Variants in RANBP9 observed in about 807,000 individuals in gnomAD.
RANBP9 encodes RAN binding protein 9.
In RANBP9, 15 loss-of-function variants were observed where a neutral mutation model predicts 84.3. That is an observed-to-expected ratio of 0.18 (90% confidence interval 0.12 to 0.27). The LOEUF (loss-of-function observed/expected upper bound fraction) is 0.27, where lower values mean the gene tolerates loss of function less well. Ranked by LOEUF, RANBP9 falls within the 10% of genes least tolerant of loss-of-function variation. RANBP9 has a pLI of 1.00. For synonymous variants in RANBP9, 392 were observed against 349.6 expected (o/e 1.12, Z -1.35); for missense variants, 809 against 912.8 (o/e 0.89, Z 1.46).
At chr6:13,656,717 CCTTT>C (rs1204619312) in intron 4 of RANBP9, among the ~76,000 whole-genome samples, 2 of 152,146 alleles carry the variant, frequency 1.3e-5, no homozygotes, top group Non-Finnish European at 2.9e-5. Flanking sequence ...GCTTTCCCTT[CCTTT>C]GTTACTATTC....
At chr6:13,694,222 T>C (rs1313281629) in intron 2 of RANBP9, among the ~76,000 whole-genome samples, 1 of 152,202 alleles carries the variant, frequency 6.6e-6, no homozygotes, top group Non-Finnish European at 1.5e-5. Context: ...AACCTGTATA[T>C]ACATGTTTAC....
intron 2 of RANBP9, among the ~76,000 whole-genome samples, chr6:13,671,116 G>C (rs1026524704): frequency 2.0e-5 from 3 of 152,112 alleles, no homozygotes; most frequent in African/African-American, 7.2e-5. Context: ...AAGACACTAT[G>C]AGCTCTCATT....
rs1362732522 is a variant in RANBP9, at chr6:13,711,393, G to A, written c.113C>T (p.Pro38Leu). 8.5e-7 allele frequency: 1 copy of A among 1,179,788 alleles called. No homozygotes were observed. The highest frequency in any genetic ancestry group is 1.6e-5 in the African/African-American group (1 of 62,230). 73.1% of individuals were successfully genotyped at this position (1,179,788 alleles called of 1,614,324 possible). A position where few individuals can be genotyped will look rare whatever the true frequency, so the allele number is the denominator to read the frequency against. Residue 38 changes from proline to leucine, a missense_variant, in exon 1 of 14, where the codon CCC becomes CTC. Transcript: ENST00000011619. ...AGAAGAGCCGGCGCTGACGGCCGGGGGCGCCGGCAGGACGACTCCGGAGAC... is the reference window on the plus strand; with the variant it reads ...AGAAGAGCCGGCGCTGACGGCCGGGAGCGCCGGCAGGACGACTCCGGAGAC... ...APVSGVVLPA[P>L]PAVSAGSSPA...
chr6:13,671,786 A>G (rs1426471394), intron 2 of RANBP9, among the ~76,000 whole-genome samples: 9 of 152,134 alleles, frequency 5.9e-5, no homozygotes, highest in African/African-American at 2.2e-4. Context: ...ACATCTCAAT[A>G]CAACTCTCAT....
intron 2 of RANBP9, among the ~76,000 whole-genome samples, chr6:13,676,352 C>T (rs1371761227): frequency 6.6e-6 from 1 of 151,938 alleles, no homozygotes; most frequent in Non-Finnish European, 1.5e-5. Context: ...GCCCAGATGG[C>T]TTCAGGGTAA....
intron 11 of RANBP9, among the ~76,000 whole-genome samples, chr6:13,633,862 G>A (rs143673596): frequency 3.4e-4 from 51 of 152,090 alleles, no homozygotes; most frequent in African/African-American, 1.2e-3. Flanking sequence ...GATGGGACAG[G>A]CAATTTACTA....
intron 2 of RANBP9, among the ~76,000 whole-genome samples, chr6:13,688,469 T>C (rs1178314771): frequency 6.6e-6 from 1 of 152,162 alleles, no homozygotes; most frequent in Non-Finnish European, 1.5e-5. Flanking sequence ...TGTTTATATG[T>C]CTACTACTGT....
chr6:13,709,769 A>G (rs1758226810), intron 1 of RANBP9, among the ~76,000 whole-genome samples: 2 of 152,238 alleles, frequency 1.3e-5, no homozygotes, highest in Admixed American at 6.5e-5. Context: ...TTCTGATTAA[A>G]TAGTAACTTA....
At chr6:13,671,489 T>C (rs1765777330) in intron 2 of RANBP9, among the ~76,000 whole-genome samples, 1 of 152,124 alleles carries the variant, frequency 6.6e-6, no homozygotes, top group South Asian at 2.1e-4. Context: ...ACAGCATAAA[T>C]CAACCTTTAA....
chr6:13,686,100 TCCCCCCCCCC>T (rs869051500), intron 2 of RANBP9, among the ~76,000 whole-genome samples: 2 of 7,008 alleles, frequency 2.9e-4, no homozygotes, highest in East Asian at 0.012. Context: ...CAAAATTTCT[TCCCCCCCCCC>T]CCCCCGCCCC....
chr6:13,635,724 C>T (rs779744382), intron 10 of RANBP9, among the ~76,000 whole-genome samples: 7 of 151,410 alleles, frequency 4.6e-5, no homozygotes, highest in Admixed American at 1.3e-4. Context: ...TAACAAACTT[C>T]GAAAATTGGT....
intron 2 of RANBP9, among the ~76,000 whole-genome samples, chr6:13,684,541 A>T (rs72831035): frequency 2.6e-5 from 4 of 152,308 alleles, no homozygotes; most frequent in Non-Finnish European, 5.9e-5. Context: ...CTCTCTAACC[A>T]GCTGGGTATA....
rs70989879 is a variant in RANBP9 at position 13,708,819 on chromosome 6, T to TCACACA, written c.571+2110_571+2115dup. On this transcript the variant is annotated intron_variant, in intron 1 of 13. Transcript: ENST00000011619. Reference sequence around the variant, plus strand: ...AAAATCAACAGTAACAACGGAAAACTCACACACACACACACACACACACAC... The same window carrying TCACACA: ...AAAATCAACAGTAACAACGGAAAACTCACACACACACACACACACACACACACACAC... 4.6e-3 allele frequency among the ~76,000 whole-genome samples: 650 copies of TCACACA among 140,920 alleles called. 3 individuals carry two copies. Among genetic ancestry groups the TCACACA allele is most frequent in the Middle Eastern group, 0.015 (4 of 270 alleles). The allele number at this position is 140,920 out of a possible 152,430, so 92.4% of individuals were successfully genotyped here.
rs747486243 is a variant in RANBP9, at chr6:13,711,474, TGCGGCGGCGGCG to T, written c.20_31del (p.Pro7_Pro10del). 214 of 1,234,018 alleles carry T rather than the reference TGCGGCGGCGGCG, an allele frequency of 1.7e-4. 3 individuals carry two copies. The South Asian group carries it at 4.1e-3, about 24-fold the overall frequency. 76.4% of individuals were successfully genotyped at this position (1,234,018 alleles called of 1,614,324 possible). A position where few individuals can be genotyped will look rare whatever the true frequency, so the allele number is the denominator to read the frequency against. On this transcript the variant is annotated inframe_deletion, in exon 1 of 14. Coordinates refer to ENST00000011619, the MANE Select transcript of RANBP9 (RefSeq NM_005493.3). ...CAGCTGCTGCTGCTGTTGCTGCTGC[TGCGGCGGCGGCG>T]GCGGCGGCTGCCCGGACATCCCGGC...
At chr6:13,677,047 T>C (rs927864943) in intron 2 of RANBP9, among the ~76,000 whole-genome samples, 4 of 152,074 alleles carry the variant, frequency 2.6e-5, no homozygotes, top group African/African-American at 4.8e-5. Flanking sequence ...AAAAGGTATA[T>C]AGATTGAGAA....
chr6:13,682,762 G>A (rs1401834817), intron 2 of RANBP9, among the ~76,000 whole-genome samples: 8 of 152,098 alleles, frequency 5.3e-5, no homozygotes, highest in African/African-American at 1.9e-4. Flanking sequence ...CTAGGCTAAA[G>A]CAAATAAATA....
At chr6:13,644,450 T>C in intron 6 of RANBP9, 95 bp downstream of exon 6, 1 of 1,235,046 alleles carries the variant, frequency 8.1e-7, no homozygotes, top group Non-Finnish European at 1.1e-6. Context: ...GTATATAAAT[T>C]AGTGGATTAA....
rs115031849 is a variant in RANBP9 at position 13,647,603 on chromosome 6, G to C, written c.928-2874C>G. On this transcript the variant is annotated intron_variant, in intron 5 of 13. Coordinates refer to ENST00000011619, the MANE Select transcript of RANBP9 (RefSeq NM_005493.3). ...GAACATACTGGCTTATATGTGTTTA[G>C]AAAGAAGTCTAAAAGGATATATATT... Among the ~76,000 whole-genome samples, 515 of 152,168 alleles carry C rather than the reference G, an allele frequency of 3.4e-3. 3 individuals carry two copies. Among genetic ancestry groups the C allele is most frequent in the African/African-American group, 0.012 (495 of 41,528 alleles).
intron 5 of RANBP9, among the ~76,000 whole-genome samples, chr6:13,648,691 T>G (rs1765227539): frequency 6.6e-6 from 1 of 152,214 alleles, no homozygotes; most frequent in African/African-American, 2.4e-5. Flanking sequence ...TAGCACAGCT[T>G]TGGTCTACAT....
Sources: allele counts gnomAD v4.1 joint callset (sites outside exome capture counted in the v4.1 genomes callset), GRCh38; gene constraint gnomAD v4.1.1; transcripts MANE v1.5; gene names NCBI Gene and HGNC (gene_info 2026-07-23, HGNC 2026-07-21).